Variants in MON2 observed in about 807,000 individuals in gnomAD.
The protein encoded by MON2 is protein MON2 homolog.
Under a neutral mutation model 208.6 loss-of-function variants are expected in MON2, and 84 were observed. The ratio of observed to expected loss-of-function variants is 0.40; its 90% CI spans 0.34 to 0.48. The LOEUF (loss-of-function observed/expected upper bound fraction) is 0.48, where lower values mean the gene tolerates loss of function less well. Ranked by LOEUF, MON2 falls within the 20% of genes least tolerant of loss-of-function variation. The pLI is 0.59. For missense variants in MON2, 1,611 were observed against 2,015.4 expected (o/e 0.80, Z 3.84); for synonymous variants, 660 against 694.0 (o/e 0.95, Z 0.77).
At chr12:62,533,333 A>T (rs1438041461) in intron 12 of MON2, among the ~76,000 whole-genome samples, 3 of 152,192 alleles carry the variant, frequency 2.0e-5, no homozygotes, top group South Asian at 2.1e-4. Flanking sequence ...GTGTACAGTT[A>T]ATTATTAACT....
At chr12:62,543,656 G>A (rs1178041927) in intron 20 of MON2, among the ~76,000 whole-genome samples, 1 of 151,890 alleles carries the variant, frequency 6.6e-6, no homozygotes, top group Non-Finnish European at 1.5e-5. Flanking sequence ...CACCCAGGCT[G>A]GAGTGCAGTG....
At chr12:62,558,138 C>A (rs2074064610) in intron 25 of MON2, among the ~76,000 whole-genome samples, 1 of 150,344 alleles carries the variant, frequency 6.7e-6, no homozygotes, top group Non-Finnish European at 1.5e-5. Flanking sequence ...GCCACCATGC[C>A]CGGCTAATTT....
At chr12:62,582,906 A>T (rs1236612872) in intron 32 of MON2, among the ~76,000 whole-genome samples, 1 of 152,228 alleles carries the variant, frequency 6.6e-6, no homozygotes, top group Non-Finnish European at 1.5e-5. Flanking sequence ...AAAGACCAAA[A>T]CAAATGAAGA....
In MON2 at chr12:62,498,377, G is replaced by A. The variant is rs140709579; in HGVS notation, c.436-542G>A. ...CAAAGGAGCACAAGAAAACTTTTGG[G>A]GTGATGGAAATATTTTGTTTGTCAA... On this transcript the variant is annotated intron_variant, in intron 4 of 34. Coordinates refer to ENST00000393630, the MANE Select transcript of MON2 (RefSeq NM_015026.3). 2.4e-3 allele frequency among the ~76,000 whole-genome samples: 361 copies of A among 152,220 alleles called. 1 individual carries two copies. The highest frequency in any genetic ancestry group is 3.9e-3 in the Non-Finnish European group (266 of 68,006).
At chr12:62,470,020 T>G (rs1352722824) in intron 1 of MON2, among the ~76,000 whole-genome samples, 3 of 151,928 alleles carry the variant, frequency 2.0e-5, no homozygotes, top group African/African-American at 7.3e-5. Flanking sequence ...TTCTCCCACC[T>G]CAACCCCCTG....
chr12:62,581,997 C>T (rs1402963961), intron 32 of MON2, among the ~76,000 whole-genome samples: 5 of 152,126 alleles, frequency 3.3e-5, no homozygotes, highest in African/African-American at 4.8e-5. Context: ...ACTTCACATA[C>T]TAGTTCTTTT....
intron 2 of MON2, among the ~76,000 whole-genome samples, chr12:62,493,016 G>GACACACACACACATACACACAT (rs1555234309): frequency 6.7e-6 from 1 of 149,454 alleles, no homozygotes; most frequent in Non-Finnish European, 1.5e-5. Flanking sequence ...GACACACACA[G>GACACACACACACATACACACAT]ACACACACAC....
chr12:62,532,698 T>G, intron 12 of MON2, 28 bp downstream of exon 12: 1 of 1,546,866 alleles, frequency 6.5e-7, no homozygotes, highest in Non-Finnish European at 8.9e-7. Flanking sequence ...TAATTTTTAT[T>G]GGAAATAATT....
intron 23 of MON2, among the ~76,000 whole-genome samples, chr12:62,550,906 T>G (rs1592370724): frequency 1.7e-5 from 1 of 59,420 alleles, no homozygotes; most frequent in Non-Finnish European, 3.4e-5. Context: ...TTCTTCTTTC[T>G]TTCTTTTTTT....
At chr12:62,566,167 T>C (rs1384845310) in intron 28 of MON2, 136 bp downstream of exon 28, 3 of 1,323,658 alleles carry the variant, frequency 2.3e-6, no homozygotes, top group Admixed American at 2.3e-5. Context: ...ATTTTTTTCA[T>C]GAAGTACATA....
At chr12:62,499,322 GA>G (rs1300662689) in intron 5 of MON2, among the ~76,000 whole-genome samples, 1 of 151,948 alleles carries the variant, frequency 6.6e-6, no homozygotes, top group Non-Finnish European at 1.5e-5. Flanking sequence ...TACATTCTAT[GA>G]ATTTTTCATG....
At chr12:62,484,398 A>G (rs2069636293) in intron 2 of MON2, among the ~76,000 whole-genome samples, 165 bp downstream of exon 2, 1 of 152,192 alleles carries the variant, frequency 6.6e-6, no homozygotes, top group Non-Finnish European at 1.5e-5. Context: ...TAACTTATGA[A>G]CTGACTGTAT....
chr12:62,526,983 T>C (rs557117260), intron 11 of MON2, among the ~76,000 whole-genome samples: 24 of 151,966 alleles, frequency 1.6e-4, no homozygotes, highest in Non-Finnish European at 2.9e-4. Flanking sequence ...AAAAATTAGC[T>C]GGAATGGTGG....
intron 1 of MON2, among the ~76,000 whole-genome samples, chr12:62,469,887 TTTA>T (rs1317856039): frequency 6.5e-4 from 19 of 29,210 alleles, no homozygotes; most frequent in South Asian, 5.6e-3. Context: ...TATTATTTTA[TTTA>T]TTTATTTATT....
chr12:62,520,877 A>G (rs2071995360), intron 8 of MON2, among the ~76,000 whole-genome samples: 1 of 146,222 alleles, frequency 6.8e-6, no homozygotes, highest in Non-Finnish European at 1.5e-5. Context: ...TAATATGTAA[A>G]GATATTATTT....
chr12:62,556,230 A>C (rs2073960521), intron 25 of MON2, 38 bp downstream of exon 25: 6 of 1,578,130 alleles, frequency 3.8e-6, no homozygotes, highest in African/African-American at 1.4e-5. Flanking sequence ...CAAGTAATTA[A>C]TGTTAAAAGA....
intron 26 of MON2, among the ~76,000 whole-genome samples, chr12:62,561,887 A>G (rs879345252): frequency 1.3e-5 from 2 of 152,138 alleles, no homozygotes; most frequent in Non-Finnish European, 2.9e-5. Context: ...GATTAACTGC[A>G]TCTTACCCAA....
intron 23 of MON2, among the ~76,000 whole-genome samples, chr12:62,551,769 C>T (rs970598886): frequency 6.6e-6 from 1 of 152,054 alleles, no homozygotes; most frequent in African/African-American, 2.4e-5. Context: ...TAAACATGCA[C>T]AGAATTGTTT....
At chr12:62,525,491 C>A (rs187481299) in intron 10 of MON2, among the ~76,000 whole-genome samples, 1 of 152,106 alleles carries the variant, frequency 6.6e-6, no homozygotes, top group Non-Finnish European at 1.5e-5. Context: ...TTTAAAAGAA[C>A]CTTTATTTGA....
Sources: allele counts gnomAD v4.1 joint callset (sites outside exome capture counted in the v4.1 genomes callset), GRCh38; gene constraint gnomAD v4.1.1; transcripts MANE v1.5; gene names NCBI Gene and HGNC (gene_info 2026-07-23, HGNC 2026-07-21).